Variants in STOX1 observed in about 807,000 individuals in gnomAD.
The protein encoded by STOX1 is storkhead-box protein 1.
A neutral mutation model predicts 74.8 loss-of-function variants in STOX1; 57 were observed. The observed-to-expected ratio is 0.76, with a 90% CI of 0.62 to 0.95. The LOEUF (loss-of-function observed/expected upper bound fraction) is 0.95, where lower values mean the gene tolerates loss of function less well. Ranked by LOEUF, STOX1 falls within the 40% of genes least tolerant of loss-of-function variation. The pLI is 0.00. For synonymous variants in STOX1, 375 were observed against 401.3 expected (o/e 0.93, Z 0.78); for missense variants, 1,010 against 1,117.0 (o/e 0.90, Z 1.37).
In STOX1 at chr10:68,890,592, G is replaced by A. The variant is rs796779298; in HGVS notation, c.2823-1997G>A. On this transcript the variant is annotated intron_variant, in intron 3 of 3. Transcript: ENST00000298596. Reference sequence around the variant, plus strand: ...GTTTTTTTCTTAGGATATATTCCTAGAAATCTACATTTTAAAAACGTATCA... The same window carrying A: ...GTTTTTTTCTTAGGATATATTCCTAAAAATCTACATTTTAAAAACGTATCA... Among the ~76,000 whole-genome samples, 20 of 151,208 alleles carry A rather than the reference G, an allele frequency of 1.3e-4. 1 individual carries two copies. Among genetic ancestry groups the A allele is most frequent in the African/African-American group, 4.9e-4 (20 of 41,204 alleles).
intron 3 of STOX1, 68 bp downstream of exon 3, chr10:68,886,686 T>C (rs912573456): frequency 2.0e-6 from 3 of 1,476,276 alleles, no homozygotes; most frequent in Middle Eastern, 1.7e-4. Context: ...CCCAGCATTT[T>C]GGGAGGCCGA....
intron 1 of STOX1, among the ~76,000 whole-genome samples, chr10:68,829,713 C>T (rs1004764739): frequency 3.3e-5 from 5 of 152,036 alleles, no homozygotes; most frequent in Admixed American, 6.6e-5. Flanking sequence ...TCCCTCTCCT[C>T]CCCACCCCGC....
chr10:68,848,679 T>C (rs1266991559), intron 1 of STOX1, among the ~76,000 whole-genome samples: 1 of 152,142 alleles, frequency 6.6e-6, no homozygotes, highest in Non-Finnish European at 1.5e-5. Context: ...TTTTGTTTTG[T>C]TTTTTGAGAC....
At chr10:68,841,649 AAG>A (rs1452549302) in intron 1 of STOX1, among the ~76,000 whole-genome samples, 1 of 152,148 alleles carries the variant, frequency 6.6e-6, no homozygotes, top group African/African-American at 2.4e-5. Flanking sequence ...GATTACATGA[AAG>A]AGAGTTTCCT....
At chr10:68,830,990 C>G (rs1345921702) in intron 1 of STOX1, among the ~76,000 whole-genome samples, 3 of 152,110 alleles carry the variant, frequency 2.0e-5, no homozygotes, top group Non-Finnish European at 4.4e-5. Context: ...AGCTGCTTTC[C>G]CCAAAAGGAA....
chr10:68,876,489 T>C (rs1370982834), intron 1 of STOX1, among the ~76,000 whole-genome samples: 1 of 140,942 alleles, frequency 7.1e-6, no homozygotes, highest in Non-Finnish European at 1.5e-5. Flanking sequence ...CTAAATCCTT[T>C]CGTAGTACAG....
intron 1 of STOX1, among the ~76,000 whole-genome samples, chr10:68,866,432 G>A (rs952623643): frequency 1.3e-5 from 2 of 152,130 alleles, no homozygotes; most frequent in Non-Finnish European, 2.9e-5. Context: ...GATTTACCCA[G>A]TAGGCGGTTT....
intron 1 of STOX1, chr10:68,829,117 G>T (rs943700302): frequency 3.2e-5 from 12 of 376,132 alleles, no homozygotes; most frequent in Non-Finnish European, 4.0e-5. Flanking sequence ...TCTTACCAAG[G>T]AACCCCTCTG....
chr10:68,892,731 G>T lies in STOX1; in HGVS notation c.2965G>T (p.Val989Phe). 1 of 1,613,592 alleles carries T rather than the reference G, an allele frequency of 6.2e-7. No individual in the cohort carries two copies. The highest frequency in any genetic ancestry group is 1.3e-5 in the African/African-American group (1 of 75,004). Residue 989 changes from valine to phenylalanine, a missense_variant, in exon 4 of 4, where the codon GTT becomes TTT. By Grantham distance (50) the Val-to-Phe change is conservative. Transcript: ENST00000298596. ...SLLPLTPVIN[V>F] Reference sequence around the variant, plus strand: ...ACTACCGCTAACTCCAGTCATAAACGTTTAATTTTCTTTTGGAAACCTACT... The same window carrying T: ...ACTACCGCTAACTCCAGTCATAAACTTTTAATTTTCTTTTGGAAACCTACT...
At position 68,886,415 on chromosome 10, in the gene STOX1, T is replaced by A. The variant is rs1297854550; in HGVS notation, c.2619T>A (p.Thr873=). ...ASFEAEVIQD[T]IGDTGKKPAS... is the part of the protein sequence containing the mutation. ...TTGAAGCTGAAGTCATACAAGACAC[T>A]ATTGGTGACACAGGAAAGAAGCCAG... The change falls in exon 3 of 4, where the codon ACT becomes ACA. Residue 873 remains threonine, a synonymous_variant. Coordinates refer to ENST00000298596, the MANE Select transcript of STOX1 (RefSeq NM_152709.5). The A allele has an allele frequency of 6.2e-7, 1 of 1,613,874 alleles. No individual in the cohort carries two copies. The highest frequency in any genetic ancestry group is 1.3e-5 in the African/African-American group (1 of 74,928).
In STOX1 at chr10:68,885,520, A is replaced by G. The variant is rs905850799; in HGVS notation, c.1724A>G (p.Asn575Ser). ...AATGACCCTACTGTCAAACCCATCA[A>G]TGATGACTTCAGAGGTCACCTCTTC... ...YINDPTVKPI[N>S]DDFRGHLFSH... Residue 575 changes from asparagine (N) to serine (S), a missense_variant, in exon 3 of 4, where the codon AAT (asparagine) becomes AGT (serine). Asn to Ser is a conservative substitution (Grantham distance 46). Coordinates refer to ENST00000298596, the MANE Select transcript of STOX1 (RefSeq NM_152709.5). 2 of 1,614,214 alleles carry G rather than the reference A, an allele frequency of 1.2e-6. No homozygotes were observed. Among genetic ancestry groups the G allele is most frequent in the Non-Finnish European group, 1.7e-6 (2 of 1,180,040 alleles).
intron 1 of STOX1, among the ~76,000 whole-genome samples, chr10:68,831,858 T>C (rs969194950): frequency 1.1e-4 from 17 of 152,230 alleles, no homozygotes; most frequent in African/African-American, 4.1e-4. Context: ...ATTGGATCTT[T>C]AGCTTGATTA....
At chr10:68,893,958 A>G (rs1025751513), downstream of STOX1, among the ~76,000 whole-genome samples, 2 of 152,114 alleles carry the variant, frequency 1.3e-5, no homozygotes, top group African/African-American at 2.4e-5. Flanking sequence ...AAGTAGTAGA[A>G]TGGTCAGTTC....
rs765864211 is a variant in STOX1 at position 68,886,592 on chromosome 10, A to G, written c.2796A>G (p.Ala932=). 1 of 1,614,194 alleles carries G rather than the reference A, an allele frequency of 6.2e-7. No individual in the cohort carries two copies. Among genetic ancestry groups the G allele is most frequent in the Non-Finnish European group, 8.5e-7 (1 of 1,180,028 alleles). The change falls in exon 3 of 4, where the codon GCA becomes GCG. Residue 932 remains alanine, a synonymous_variant. Transcript: ENST00000298596. The part of the protein sequence containing the change: ...HLEGTENHSM[A]GDSGIDSPRT... ...AAGGGACAGAAAATCACAGCATGGC[A>G]GGAGATAGTGGAATAGATTCTCCAC...
chr10:68,827,613 C>T lies in STOX1; in HGVS notation c.-11C>T, dbSNP rs776808516. 1.1e-5 allele frequency: 13 copies of T among 1,145,534 alleles called. No individual in the cohort carries two copies. The South Asian group carries it at 3.7e-4, about 32-fold the overall frequency. The allele number at this position is 1,145,534 out of a possible 1,614,324, so 71.0% of individuals were successfully genotyped here. ...GCCCTGCGTTGCGGGCTCCCGGCCG[C>T]CGGCGAAAGCATGGCCCGGCCCGTG... On this transcript the variant is annotated 5_prime_UTR_variant, in exon 1 of 4. Coordinates refer to ENST00000298596, the MANE Select transcript of STOX1 (RefSeq NM_152709.5).
At chr10:68,834,912 CG>C (rs1839504797) in intron 1 of STOX1, among the ~76,000 whole-genome samples, 1 of 151,988 alleles carries the variant, frequency 6.6e-6, no homozygotes, top group Non-Finnish European at 1.5e-5. Context: ...TTAGTAGAGA[CG>C]GGGTTTCTCC....
chr10:68,861,439 T>A (rs1840266558), intron 1 of STOX1, among the ~76,000 whole-genome samples: 1 of 152,130 alleles, frequency 6.6e-6, no homozygotes, highest in African/African-American at 2.4e-5. Context: ...AGGTGTTCCT[T>A]GTCCTCATTC....
intron 3 of STOX1, among the ~76,000 whole-genome samples, chr10:68,891,075 T>C (rs995106559): frequency 2.0e-5 from 3 of 152,258 alleles, no homozygotes; most frequent in African/African-American, 7.2e-5. Context: ...TGAGAGACAT[T>C]ACTCCTTGAT....
At chr10:68,870,056 TAGAA>T (rs1336503682) in intron 1 of STOX1, among the ~76,000 whole-genome samples, 2 of 152,146 alleles carry the variant, frequency 1.3e-5, no homozygotes, top group Non-Finnish European at 2.9e-5. Context: ...ATCATGAAAA[TAGAA>T]AGGACAGCTT....
Sources: gnomAD v4.1 joint callset for allele counts (sites outside exome capture counted in the v4.1 genomes callset) on GRCh38, gnomAD v4.1.1 for gene constraint, MANE v1.5 for transcripts, NCBI Gene and HGNC (gene_info 2026-07-23, HGNC 2026-07-21) for gene names.